Variants in RAB10 observed in about 807,000 individuals in gnomAD.
RAB10 encodes the protein ras-related protein Rab-10.
In RAB10, 5 loss-of-function variants were observed where a neutral mutation model predicts 25.7. The observed-to-expected ratio is 0.19, with a 90% confidence interval of 0.10 to 0.41. RAB10 has a LOEUF of 0.41. Ranked by LOEUF, RAB10 falls within the 10% of genes least tolerant of loss-of-function variation. RAB10 has a pLI of 1.00. For missense variants in RAB10, 103 were observed against 245.8 expected (o/e 0.42, Z 3.89); for synonymous variants, 89 against 86.4 (o/e 1.03, Z -0.16).
intron 1 of RAB10, among the ~76,000 whole-genome samples, chr2:26,091,571 A>G (rs1319920943): frequency 6.6e-6 from 1 of 152,116 alleles, no homozygotes; most frequent in Non-Finnish European, 1.5e-5. Context: ...TTATTTATGG[A>G]TTTAAAGAGT....
chr2:26,078,440 C>T (rs939997670), intron 1 of RAB10, among the ~76,000 whole-genome samples: 4 of 152,138 alleles, frequency 2.6e-5, no homozygotes, highest in African/African-American at 9.7e-5. Context: ...GGTAATAAGA[C>T]AGTGTGGTGC....
At chr2:26,128,027 A>G (rs970191192) in intron 5 of RAB10, 76 bp downstream of exon 5, 2 of 1,245,052 alleles carry the variant, frequency 1.6e-6, no homozygotes, top group African/African-American at 1.5e-5. Context: ...GAAGTACTGG[A>G]TTTACATACA....
chr2:26,073,690 T>C (rs1666675355), intron 1 of RAB10, among the ~76,000 whole-genome samples: 1 of 152,210 alleles, frequency 6.6e-6, no homozygotes, highest in African/African-American at 2.4e-5. Flanking sequence ...CAGTCAGCTA[T>C]GAACACTGCA....
chr2:26,059,270 C>T (rs1408168897), intron 1 of RAB10, among the ~76,000 whole-genome samples: 2 of 152,164 alleles, frequency 1.3e-5, no homozygotes, highest in South Asian at 2.1e-4. Flanking sequence ...TTTTGTTTTG[C>T]TAATGCATTC....
intron 1 of RAB10, among the ~76,000 whole-genome samples, chr2:26,060,440 TCAC>T (rs1222616849): frequency 6.6e-6 from 1 of 152,066 alleles, no homozygotes; most frequent in Non-Finnish European, 1.5e-5. Context: ...CTACAGGCGC[TCAC>T]CACCACATCT....
chr2:26,038,393 A>T (rs1366646010), intron 1 of RAB10, among the ~76,000 whole-genome samples: 1 of 150,272 alleles, frequency 6.7e-6, no homozygotes, highest in African/African-American at 2.5e-5. Context: ...GTGGTGTTTC[A>T]TCATGTTGGT....
At chr2:26,044,670 C>T (rs1459051380) in intron 1 of RAB10, among the ~76,000 whole-genome samples, 2 of 151,476 alleles carry the variant, frequency 1.3e-5, no homozygotes, top group African/African-American at 4.8e-5. Context: ...CTCAACCTCC[C>T]GAGTAGCTGG....
In RAB10 at chr2:26,136,741, A is replaced by G. The variant is rs1291038422; in HGVS notation, c.*1720A>G. ...ATGACCTCTTGGCTCACATAAGCAAACAACATAGGGACGTATCTGCTATGA... is the reference window on the plus strand; with the variant it reads ...ATGACCTCTTGGCTCACATAAGCAAGCAACATAGGGACGTATCTGCTATGA... On this transcript the variant is annotated 3_prime_UTR_variant, in exon 6 of 6. Coordinates refer to ENST00000264710, the MANE Select transcript of RAB10 (RefSeq NM_016131.5). The G allele has an allele frequency of 6.6e-6, 1 of 152,586 alleles. No individual in the cohort carries two copies. The highest frequency in any genetic ancestry group is 1.5e-5 in the Non-Finnish European group (1 of 68,032). 9.5% of individuals were successfully genotyped at this position (152,586 alleles called of 1,614,324 possible). A position where few individuals can be genotyped will look rare whatever the true frequency, so the allele number is the denominator to read the frequency against.
At chr2:26,081,710 C>T (rs1437450408) in intron 1 of RAB10, among the ~76,000 whole-genome samples, 2 of 151,986 alleles carry the variant, frequency 1.3e-5, no homozygotes, top group Non-Finnish European at 2.9e-5. Flanking sequence ...TTTTCAACTT[C>T]TCTGGAAAGT....
upstream of RAB10, among the ~76,000 whole-genome samples, chr2:26,033,500 T>A (rs917730059): frequency 1.3e-5 from 2 of 152,234 alleles, no homozygotes; most frequent in Non-Finnish European, 2.9e-5. Flanking sequence ...GGAGCGCTCA[T>A]GTTTCCCCGT....
At chr2:26,055,837 G>A (rs994786020) in intron 1 of RAB10, among the ~76,000 whole-genome samples, 3 of 151,656 alleles carry the variant, frequency 2.0e-5, no homozygotes, top group Admixed American at 1.3e-4. Context: ...GTGTTTTTCT[G>A]TTTTGTTTTC....
At chr2:26,131,420 A>G (rs1309814994) in intron 5 of RAB10, among the ~76,000 whole-genome samples, 1 of 152,012 alleles carries the variant, frequency 6.6e-6, no homozygotes, top group African/African-American at 2.4e-5. Context: ...CTAGGTAGCA[A>G]TTTTTTTTCA....
rs1665719173 is a variant in RAB10, at chr2:26,034,484, T to A, written c.-125T>A. The A allele has an allele frequency of 3.0e-6, 4 of 1,352,320 alleles. No homozygotes were observed. The highest frequency in any genetic ancestry group is 2.7e-4 in the Middle Eastern group (1 of 3,754). 83.8% of individuals were successfully genotyped at this position (1,352,320 alleles called of 1,614,324 possible). On this transcript the variant is annotated 5_prime_UTR_variant, in exon 1 of 6. Coordinates refer to ENST00000264710, the MANE Select transcript of RAB10 (RefSeq NM_016131.5). ...CTGTTCGTAGGTCGCCCGCGCCGTC[T>A]CGAGCCTTTTTCCCACGCTTCCCCG...
intron 1 of RAB10, among the ~76,000 whole-genome samples, chr2:26,080,781 C>T (rs888958908): frequency 1.3e-5 from 2 of 152,140 alleles, no homozygotes; most frequent in African/African-American, 4.8e-5. Context: ...ATTACAGGCG[C>T]TTGACTCCCA....
intron 1 of RAB10, among the ~76,000 whole-genome samples, chr2:26,057,243 C>T (rs1287829099): frequency 6.6e-6 from 1 of 152,028 alleles, no homozygotes; most frequent in Non-Finnish European, 1.5e-5. Flanking sequence ...ATAGTGGCTT[C>T]AATGAGCATG....
rs556121470 is a variant in RAB10, at chr2:26,045,149, G to A, written c.127+10414G>A. Among the ~76,000 whole-genome samples the A allele has an allele frequency of 4.3e-4, 65 of 152,040 alleles. 2 individuals are homozygous for A. The South Asian group carries it at 0.013, about 30-fold the overall frequency. On this transcript the variant is annotated intron_variant, in intron 1 of 5. Transcript: ENST00000264710. ...TTCAAGAATTGTGGTGTATAATGAC[G>A]CACAAGCATGGCAAAGGAAATACTG...
intron 3 of RAB10, among the ~76,000 whole-genome samples, chr2:26,122,303 C>T (rs1667820702): frequency 6.6e-6 from 1 of 152,128 alleles, no homozygotes; most frequent in African/African-American, 2.4e-5. Flanking sequence ...GAAAATGCAG[C>T]TCTTATGTGG....
chr2:26,132,168 A>T (rs1668023949), intron 5 of RAB10, among the ~76,000 whole-genome samples: 1 of 152,260 alleles, frequency 6.6e-6, no homozygotes, highest in Non-Finnish European at 1.5e-5. Flanking sequence ...CAGTGGATTT[A>T]CAAGACTCAG....
At chr2:26,048,868 C>T (rs937011851) in intron 1 of RAB10, among the ~76,000 whole-genome samples, 2 of 152,128 alleles carry the variant, frequency 1.3e-5, no homozygotes, top group African/African-American at 4.8e-5. Flanking sequence ...TATCTCAATA[C>T]AATAAAATAA....
Sources: allele counts gnomAD v4.1 joint callset (sites outside exome capture counted in the v4.1 genomes callset), GRCh38; gene constraint gnomAD v4.1.1; transcripts MANE v1.5; gene names NCBI Gene and HGNC (gene_info 2026-07-23, HGNC 2026-07-21).